DGCR2: variants seen among roughly 807,000 people sequenced by gnomAD.
DGCR2 encodes integral membrane protein DGCR2/IDD.
A neutral mutation model predicts 51.6 loss-of-function variants in DGCR2; 24 were observed. The observed-to-expected ratio is 0.47, with a 90% CI of 0.34 to 0.65. The LOEUF is 0.65. Among genes scored for constraint, DGCR2 ranks in the 30% least tolerant of loss-of-function variants. The probability of loss-of-function intolerance (pLI) is 0.01; values close to 1 mark genes in which losing one functional copy is unlikely to be tolerated. For synonymous variants in DGCR2, 340 were observed against 315.4 expected (o/e 1.08, Z -0.82); for missense variants, 765 against 772.1 (o/e 0.99, Z 0.11).
intron 1 of DGCR2, among the ~76,000 whole-genome samples, chr22:19,107,500 C>T (rs1265843275): frequency 2.0e-5 from 3 of 152,164 alleles, no homozygotes; most frequent in Non-Finnish European, 4.4e-5. Flanking sequence ...TAGATGCTGT[C>T]CAACCAAAAC....
Position 19,048,519 on chromosome 22 carries a change from A to G in DGCR2, c.927T>C (p.Ala309=), listed in dbSNP as rs1377941107. ...HGGEPEMCVA[A]LCERPQGCQQ... ...GGCAGCCCTGGGGCCTCTCACAGAG[A>G]GCAGCCACACACATCTCAGGCTCCC... is the stretch of plus-strand genomic sequence containing the variant. The change falls in exon 7 of 10, where the codon GCT becomes GCC. Residue 309 remains alanine, a synonymous_variant. Transcript: ENST00000263196. The G allele has an allele frequency of 6.2e-7, 1 of 1,614,158 alleles. No homozygotes were observed. The highest frequency in any genetic ancestry group is 1.1e-5 in the South Asian group (1 of 91,080).
In DGCR2 at chr22:19,041,860, T is replaced by C. The variant is rs1184462866; in HGVS notation, c.1106A>G (p.His369Arg). 6.2e-7 allele frequency: 1 copy of C among 1,613,120 alleles called. No homozygotes were observed. Among genetic ancestry groups the C allele is most frequent in the Non-Finnish European group, 8.5e-7 (1 of 1,179,942 alleles). Residue 369 changes from histidine to arginine, a missense_variant, in exon 8 of 10, where the codon CAC becomes CGC. His to Arg is a conservative substitution (Grantham distance 29). Around this residue, in one of 3 missense-constraint regions of DGCR2, gnomAD observed 190 missense variants for 265.2 expected, o/e 0.72. Coordinates refer to ENST00000263196, the MANE Select transcript of DGCR2 (RefSeq NM_005137.3). ...CTCCCGGCGCCGCTGGCGCAGCCGG[T>C]GGACCATGAAGAGCAGCAGTGACAG... ...LILSLLLFMV[H>R]RLRQRRRERI...
At chr22:19,051,271 T>C (rs1423593173) in intron 6 of DGCR2, among the ~76,000 whole-genome samples, 1 of 151,766 alleles carries the variant, frequency 6.6e-6, no homozygotes, top group Non-Finnish European at 1.5e-5. Context: ...CTTTTGTTCT[T>C]TGGGTAAACT....
intron 4 of DGCR2, among the ~76,000 whole-genome samples, chr22:19,063,798 A>C (rs2082716022): frequency 6.6e-6 from 1 of 152,198 alleles, no homozygotes; most frequent in Non-Finnish European, 1.5e-5. Context: ...TCACAATTTA[A>C]GCAAGAACAA....
At chr22:19,071,065 G>A (rs959623747) in intron 2 of DGCR2, among the ~76,000 whole-genome samples, 2 of 152,238 alleles carry the variant, frequency 1.3e-5, no homozygotes, top group African/African-American at 2.4e-5. Flanking sequence ...AAGCTGGGGG[G>A]CCTCTTCCAC....
In DGCR2 at chr22:19,036,470, A is replaced by C. The variant is rs2082369719; in HGVS notation, c.*2395T>G. 6.6e-6 allele frequency: 1 copy of C among 152,558 alleles called. No homozygotes were observed. The highest frequency in any genetic ancestry group is 2.4e-5 in the African/African-American group (1 of 41,470). 9.5% of individuals were successfully genotyped at this position (152,558 alleles called of 1,614,324 possible). ...CAGGTCAGAGGGCACCTGGGCTCTGAGAAACCGTGGCAAGCTGGTCCTAGA... is the reference window on the plus strand; with the variant it reads ...CAGGTCAGAGGGCACCTGGGCTCTGCGAAACCGTGGCAAGCTGGTCCTAGA... On this transcript the variant is annotated 3_prime_UTR_variant, in exon 10 of 10. Coordinates refer to ENST00000263196, the MANE Select transcript of DGCR2 (RefSeq NM_005137.3).
intron 2 of DGCR2, among the ~76,000 whole-genome samples, chr22:19,080,340 T>A (rs1434835246): frequency 6.6e-6 from 1 of 152,222 alleles, no homozygotes; most frequent in East Asian, 1.9e-4. Context: ...TGAAATTAAT[T>A]TTAATACTTT....
rs746284117 is a variant in DGCR2 at position 19,041,306 on chromosome 22, A to G, written c.1160-12T>C. ...GTTGAAGTGGTGCACTGGGCCATCA[A>G]AAGTGTGCAACGGGAACAGAGACAA... On this transcript the variant is annotated splice_polypyrimidine_tract_variant and intron_variant, in intron 8 of 9. Coordinates refer to ENST00000263196, the MANE Select transcript of DGCR2 (RefSeq NM_005137.3). The G allele has an allele frequency of 1.9e-6, 3 of 1,612,358 alleles. No individual in the cohort carries two copies. The African/African-American group carries it at 4.0e-5, about 22-fold the overall frequency.
chr22:19,086,036 T>A (rs1458477050), intron 2 of DGCR2, among the ~76,000 whole-genome samples: 8 of 152,186 alleles, frequency 5.3e-5, no homozygotes, highest in African/African-American at 7.2e-5. Flanking sequence ...TATGATTTTT[T>A]AAAAATTTCT....
At chr22:19,060,816 G>T in intron 5 of DGCR2, 1 of 501,072 alleles carries the variant, frequency 2.0e-6, no homozygotes, top group South Asian at 1.5e-5. Context: ...GTGTGGGCCT[G>T]GGGGAGCGCC....
chr22:19,076,856 G>A (rs540605910), intron 2 of DGCR2, among the ~76,000 whole-genome samples: 2 of 146,862 alleles, frequency 1.4e-5, no homozygotes, highest in African/African-American at 2.5e-5. Flanking sequence ...TCAGCCTCCC[G>A]AGTAGCTGGA....
At chr22:19,086,436 G>A (rs752250688) in intron 2 of DGCR2, among the ~76,000 whole-genome samples, 7 of 151,990 alleles carry the variant, frequency 4.6e-5, no homozygotes, top group Admixed American at 2.6e-4. Context: ...CCCAGATGGC[G>A]CCACTGCACT....
At chr22:19,049,114 G>A (rs1028410487) in intron 6 of DGCR2, among the ~76,000 whole-genome samples, 2 of 152,242 alleles carry the variant, frequency 1.3e-5, no homozygotes, top group African/African-American at 4.8e-5. Flanking sequence ...AGACTCCAGG[G>A]TCACTGCAGA....
rs201889773 is a variant in DGCR2 at position 19,074,809 on chromosome 22, C to CT, written c.203-6585dup. On this transcript the variant is annotated intron_variant, in intron 2 of 9. Transcript: ENST00000263196. Reference sequence around the variant, plus strand: ...ACAGATCTGGGATGCCCCGCCCCACCTTTTTTTTACATCGGAGCTGCCGCT... The same window carrying CT: ...ACAGATCTGGGATGCCCCGCCCCACCTTTTTTTTTACATCGGAGCTGCCGCT... 3.2e-3 allele frequency among the ~76,000 whole-genome samples: 481 copies of CT among 152,096 alleles called. 1 individual carries two copies. The highest frequency in any genetic ancestry group is 0.014 in the Middle Eastern group (4 of 294).
intron 1 of DGCR2, among the ~76,000 whole-genome samples, chr22:19,103,536 T>C (rs1166937172): frequency 6.9e-6 from 1 of 144,956 alleles, no homozygotes; most frequent in East Asian, 2.1e-4. Flanking sequence ...GTTCATGCCC[T>C]TCTCCTGCCT....
intron 1 of DGCR2, 61 bp from the exon 2 acceptor site, chr22:19,089,551 C>G (rs981324800): frequency 2.8e-6 from 4 of 1,432,292 alleles, no homozygotes; most frequent in Non-Finnish European, 1.9e-6. Flanking sequence ...AAACCATAGC[C>G]CATGGGCTGG....
intron 6 of DGCR2, among the ~76,000 whole-genome samples, chr22:19,055,345 G>A (rs955781578): frequency 1.3e-5 from 2 of 152,056 alleles, no homozygotes; most frequent in Non-Finnish European, 2.9e-5. Context: ...CAGCAACCTA[G>A]GAATAGGTAC....
At chr22:19,075,432 G>C (rs1182381152) in intron 2 of DGCR2, among the ~76,000 whole-genome samples, 1 of 149,564 alleles carries the variant, frequency 6.7e-6, no homozygotes, top group African/African-American at 2.5e-5. Flanking sequence ...GGGCCACAGA[G>C]CAAGACTCTG....
chr22:19,121,956 A>T (rs1234806738), intron 1 of DGCR2, 172 bp downstream of exon 1: 1 of 311,174 alleles, frequency 3.2e-6, no homozygotes, highest in Non-Finnish European at 5.7e-6. Context: ...AGCCCAGGTA[A>T]GCTCCAGCAG....
Sources: allele counts gnomAD v4.1 joint callset (sites outside exome capture counted in the v4.1 genomes callset), GRCh38; gene constraint gnomAD v4.1.1; regional missense constraint gnomAD v4.1.1; transcripts MANE v1.5; gene names NCBI Gene and HGNC (gene_info 2026-07-23, HGNC 2026-07-21).